Variants in SCRN3 observed in about 807,000 individuals in gnomAD.
The protein encoded by SCRN3 is secernin 3.
A neutral mutation model predicts 43.1 loss-of-function variants in SCRN3; 39 were observed. The observed-to-expected ratio is 0.91, with a 90% CI of 0.70 to 1.18. The LOEUF is 1.18. Ranked by LOEUF, SCRN3 falls within the 50% of genes most tolerant of loss-of-function variation. SCRN3 has a pLI of 0.00. For missense variants in SCRN3, 484 were observed against 498.0 expected (o/e 0.97, Z 0.27); for synonymous variants, 147 against 163.1 (o/e 0.90, Z 0.75).
intron 5 of SCRN3, among the ~76,000 whole-genome samples, chr2:174,409,694 G>T (rs1685829369): frequency 7.2e-6 from 1 of 139,302 alleles, no homozygotes; most frequent in East Asian, 2.1e-4. Context: ...ACCCTCAGCT[G>T]CAGGTCTGTT....
At chr2:174,397,572 C>A (rs1208391289) in intron 1 of SCRN3, among the ~76,000 whole-genome samples, 1 of 152,106 alleles carries the variant, frequency 6.6e-6, no homozygotes, top group Non-Finnish European at 1.5e-5. Flanking sequence ...TATTTCCCAG[C>A]TCAAATAAGA....
chr2:174,409,636 C>T (rs1338720228), intron 5 of SCRN3, among the ~76,000 whole-genome samples: 2 of 133,614 alleles, frequency 1.5e-5, no homozygotes, highest in African/African-American at 2.7e-5. Flanking sequence ...GATGGGTTTT[C>T]GGTGTGGATG....
At chr2:174,403,383 A>G (rs1286274765) in intron 4 of SCRN3, among the ~76,000 whole-genome samples, 1 of 152,144 alleles carries the variant, frequency 6.6e-6, no homozygotes, top group African/African-American at 2.4e-5. Context: ...AGAAATAAAA[A>G]CTTACATACA....
intron 1 of SCRN3, chr2:174,397,198 TC>T: frequency 1.0e-6 from 1 of 975,030 alleles, no homozygotes. Flanking sequence ...CATTTTCTTT[TC>T]TTTTTAAGGA....
At chr2:174,400,556 C>T (rs140734773) in intron 3 of SCRN3, among the ~76,000 whole-genome samples, 17 of 152,306 alleles carry the variant, frequency 1.1e-4, no homozygotes, top group African/African-American at 3.6e-4. Context: ...GCCTCAGCTC[C>T]TGAGTAACTG....
At chr2:174,403,085 TAA>T (rs35095233) in intron 4 of SCRN3, among the ~76,000 whole-genome samples, 5 of 103,110 alleles carry the variant, frequency 4.8e-5, no homozygotes, top group Admixed American at 1.3e-4. Context: ...AACTCAGTAG[TAA>T]AAAAAAAAAA....
At chr2:174,408,140 G>A in intron 5 of SCRN3, among the ~76,000 whole-genome samples, 1 of 44,622 alleles carries the variant, frequency 2.2e-5, no homozygotes. Context: ...GAATCTGGGT[G>A]CTCCTGTATT....
At chr2:174,409,718 G>T (rs1398015480) in intron 5 of SCRN3, among the ~76,000 whole-genome samples, 2 of 142,674 alleles carry the variant, frequency 1.4e-5, no homozygotes, top group Admixed American at 7.0e-5. Context: ...ATACCCTGCC[G>T]TGTGAGGTGT....
At chr2:174,398,501 T>A in intron 2 of SCRN3, 59 bp downstream of exon 2, 1 of 1,416,672 alleles carries the variant, frequency 7.1e-7, no homozygotes, top group Non-Finnish European at 9.5e-7. Context: ...TAAAGTTATT[T>A]CTATACATAG....
intron 5 of SCRN3, among the ~76,000 whole-genome samples, chr2:174,415,876 C>T (rs1258092522): frequency 6.6e-6 from 1 of 152,122 alleles, no homozygotes; most frequent in East Asian, 1.9e-4. Flanking sequence ...AATTCCTGGG[C>T]TCAAACCATC....
downstream of SCRN3, among the ~76,000 whole-genome samples, chr2:174,430,065 AC>A (rs1686606092): frequency 6.6e-6 from 1 of 152,222 alleles, no homozygotes; most frequent in African/African-American, 2.4e-5. Context: ...CCTGCCGTAG[AC>A]ATCCATGTGA....
intron 1 of SCRN3, chr2:174,396,059 T>C (rs2105548733): frequency 8.1e-7 from 1 of 1,241,124 alleles, no homozygotes; most frequent in Non-Finnish European, 1.0e-6. Flanking sequence ...TCTGCACTGT[T>C]TTTCTCATCT....
chr2:174,426,606 T>C (rs1227944789), intron 7 of SCRN3, among the ~76,000 whole-genome samples: 1 of 151,974 alleles, frequency 6.6e-6, no homozygotes, highest in East Asian at 2.0e-4. Flanking sequence ...ACCCCGTCTG[T>C]ACTAAAACTA....
chr2:174,413,952 G>A (rs1172207838), intron 5 of SCRN3, among the ~76,000 whole-genome samples: 1 of 152,066 alleles, frequency 6.6e-6, no homozygotes, highest in Non-Finnish European at 1.5e-5. Context: ...AAAGACCAAA[G>A]TTTTCTATTG....
In SCRN3 at chr2:174,424,474, G is replaced by T. The variant is rs1423495880; in HGVS notation, c.918-1G>T. ...AATTTAATAAAGACTCTTTTTTCTAGATCTGTTTTTAAGCCTTTCATATTT... is the reference window on the plus strand; with the variant it reads ...AATTTAATAAAGACTCTTTTTTCTATATCTGTTTTTAAGCCTTTCATATTT... On this transcript the variant is annotated splice_acceptor_variant, in intron 6 of 7. Transcript: ENST00000272732. LOFTEE classifies it high-confidence loss of function. The T allele has an allele frequency of 2.5e-6, 4 of 1,574,174 alleles. No individual in the cohort carries two copies. Among genetic ancestry groups the T allele is most frequent in the Admixed American group, 1.8e-5 (1 of 55,886 alleles).
intron 5 of SCRN3, among the ~76,000 whole-genome samples, chr2:174,413,029 C>T (rs546395517): frequency 3.3e-4 from 50 of 151,948 alleles, no homozygotes; most frequent in Admixed American, 2.2e-3. Flanking sequence ...CCACCACACC[C>T]GGCTAATTTT....
At chr2:174,419,009 G>A (rs1686204870) in intron 5 of SCRN3, among the ~76,000 whole-genome samples, 1 of 152,200 alleles carries the variant, frequency 6.6e-6, no homozygotes, top group Admixed American at 6.5e-5. Flanking sequence ...ACATAAAATA[G>A]TTGGTAGCCT....
chr2:174,420,504 G>C (rs753899454), intron 5 of SCRN3, among the ~76,000 whole-genome samples: 8 of 152,168 alleles, frequency 5.3e-5, no homozygotes, highest in Non-Finnish European at 1.2e-4. Context: ...AAAGTAGATA[G>C]TAGAAACTGA....
intron 5 of SCRN3, among the ~76,000 whole-genome samples, chr2:174,416,990 T>A (rs1011595966): frequency 2.0e-5 from 3 of 152,186 alleles, no homozygotes; most frequent in Non-Finnish European, 4.4e-5. Context: ...CAAAAGAACA[T>A]GTTATAATTT....
Sources: gnomAD v4.1 joint callset for allele counts (sites outside exome capture counted in the v4.1 genomes callset) on GRCh38, gnomAD v4.1.1 for gene constraint, MANE v1.5 for transcripts, NCBI Gene and HGNC (gene_info 2026-07-23, HGNC 2026-07-21) for gene names.